Variants in ELN observed in about 807,000 individuals in gnomAD.
ELN encodes the protein elastin, also known as tropoelastin.
A neutral mutation model predicts 105.8 loss-of-function variants in ELN; 65 were observed. The ratio of observed to expected loss-of-function variants is 0.61; its 90% CI spans 0.50 to 0.75. The LOEUF (loss-of-function observed/expected upper bound fraction) is 0.75. Among genes scored for constraint, ELN ranks in the 30% least tolerant of loss-of-function variants. The pLI, the probability that ELN is intolerant of heterozygous loss-of-function variation, is 0.00. For missense variants in ELN, 882 were observed against 969.4 expected, an observed-to-expected ratio of 0.91 and a Z score of 1.20; for synonymous variants, 368 against 389.2, an observed-to-expected ratio of 0.95 and a Z score of 0.64.
rs1563805329 is a variant in ELN at position 74,048,149 on chromosome 7, G to T, written c.693G>T (p.Gly231=). 6.2e-7 allele frequency: 1 copy of T among 1,614,086 alleles called. No homozygotes were observed. The highest frequency in any genetic ancestry group is 8.5e-7 in the Non-Finnish European group (1 of 1,179,972). The change falls in exon 14 of 33, where the codon GGG becomes GGT. Residue 231 remains glycine, a synonymous_variant. Transcript: ENST00000252034. ...YTTGKLPYGY[G]PGGVAGAAGK... ...AGCCTCTCTGTTTTGCAGGCTATGG[G>T]CCCGGAGGAGTGGCTGGTGCAGCGG... is the stretch of plus-strand genomic sequence containing the variant.
rs1256027685 is a variant in ELN at position 74,068,831 on chromosome 7, C to T, written c.*131C>T. The T allele has an allele frequency of 1.4e-5, 16 of 1,182,762 alleles. No individual in the cohort carries two copies. The highest frequency in any genetic ancestry group is 1.9e-5 in the Non-Finnish European group (15 of 803,668). 73.3% of individuals were successfully genotyped at this position (1,182,762 alleles called of 1,614,324 possible). On this transcript the variant is annotated 3_prime_UTR_variant, in exon 33 of 33. Coordinates refer to ENST00000252034, the MANE Select transcript of ELN (RefSeq NM_000501.4). ...CCCAGGAGGGAACGGGCAGGCCGGGCGGCCTTGCAGATCCACAGGGCAAGG... is the reference window on the plus strand; with the variant it reads ...CCCAGGAGGGAACGGGCAGGCCGGGTGGCCTTGCAGATCCACAGGGCAAGG...
chr7:74,056,281 C>G lies in ELN; in HGVS notation c.1161C>G (p.Pro387=), dbSNP rs782659644. The change falls in exon 20 of 33, where the codon CCC becomes CCG. Residue 387 remains proline (P), a synonymous_variant. Coordinates refer to ENST00000252034, the MANE Select transcript of ELN (RefSeq NM_000501.4). The stretch of plus-strand genomic sequence containing the variant: ...CCCTTCCCTCTGCAGGGGCCAGGCC[C>G]GGAGTCGGAGTTGGAGGCATTCCTA... ...AAKAAKYGAR[P]GVGVGGIPTY... 1.9e-6 allele frequency: 3 copies of G among 1,614,134 alleles called. No homozygotes were observed. Among genetic ancestry groups the G allele is most frequent in the East Asian group, 2.2e-5 (1 of 44,874 alleles).
rs1554671298 is a variant in ELN, at chr7:74,045,209, T to C, written c.470-13T>C. 6.2e-7 allele frequency: 1 copy of C among 1,613,964 alleles called. No individual in the cohort carries two copies. Among genetic ancestry groups the C allele is most frequent in the Non-Finnish European group, 8.5e-7 (1 of 1,180,030 alleles). On this transcript the variant is annotated splice_polypyrimidine_tract_variant and intron_variant, in intron 9 of 32. Transcript: ENST00000252034. ...GCCTGCCTTCCTACACTCACTGCTT[T>C]GTCCCCCGGCAGGAGCTCGGTTCCC... is the stretch of plus-strand genomic sequence containing the variant.
At chr7:74,056,788 G>A (rs1348259902) in intron 21 of ELN, 75 bp downstream of exon 21, 19 of 1,601,404 alleles carry the variant, frequency 1.2e-5, no homozygotes, top group Non-Finnish European at 1.6e-5. Flanking sequence ...AGGGCAAACT[G>A]GCTCCCAGGC....
Position 74,069,037 on chromosome 7 carries a change from G to A in ELN, c.*337G>A. 1 of 432,206 alleles carries A rather than the reference G, an allele frequency of 2.3e-6. No individual in the cohort carries two copies. Among genetic ancestry groups the A allele is most frequent in the East Asian group, 4.0e-5 (1 of 25,064 alleles). 26.8% of individuals were successfully genotyped at this position (432,206 alleles called of 1,614,324 possible). ...GTGCTCTTATCTTCCTGGGGGGAGG[G>A]AGGAGGGAAGGGTGGCCCCTCGGGG... is the stretch of plus-strand genomic sequence containing the variant. On this transcript the variant is annotated 3_prime_UTR_variant, in exon 33 of 33. Transcript: ENST00000252034.
intron 22 of ELN, among the ~76,000 whole-genome samples, chr7:74,058,016 T>C (rs1490709943): frequency 2.0e-5 from 3 of 151,800 alleles, no homozygotes; most frequent in Non-Finnish European, 1.5e-5. Flanking sequence ...CCCCTTCTCC[T>C]TCTCTTTCTC....
At chr7:74,036,664 A>G (rs1790025115) in intron 3 of ELN, 80 bp downstream of exon 3, 1 of 1,592,142 alleles carries the variant, frequency 6.3e-7, no homozygotes, top group East Asian at 2.2e-5. Context: ...AGACCTGAGA[A>G]CCCTGGGAGA....
intron 12 of ELN, 97 bp from the exon 13 acceptor site, chr7:74,047,574 CTCAA>C: frequency 1.3e-6 from 2 of 1,540,554 alleles, no homozygotes; most frequent in Non-Finnish European, 1.8e-6. Context: ...TGTGGGAGGT[CTCAA>C]GCTTTAGCAC....
At chr7:74,060,756 C>T (rs1796473405) in intron 25 of ELN, among the ~76,000 whole-genome samples, 1 of 152,226 alleles carries the variant, frequency 6.6e-6, no homozygotes, top group Non-Finnish European at 1.5e-5. Flanking sequence ...GAGAAAAAGC[C>T]TGCCCTCCAA....
chr7:74,057,339 G>T (rs1554680752), intron 21 of ELN: 1 of 1,429,028 alleles, frequency 7.0e-7, no homozygotes, highest in East Asian at 2.5e-5. Flanking sequence ...CCCAAAAAGT[G>T]AGTACTGGGA....
In ELN at chr7:74,035,357, C is replaced by T. The variant is rs1554664846; in HGVS notation, c.83-7C>T. ...CTGGAGGACTGACTCTACCTGTTTC[C>T]TTTCAGGGGTCCCTGGGGCCATTCC... On this transcript the variant is annotated splice_region_variant and splice_polypyrimidine_tract_variant and intron_variant, in intron 1 of 32. Coordinates refer to ENST00000252034, the MANE Select transcript of ELN (RefSeq NM_000501.4). 6 of 1,614,034 alleles carry T rather than the reference C, an allele frequency of 3.7e-6. No individual in the cohort carries two copies. The highest frequency in any genetic ancestry group is 5.1e-6 in the Non-Finnish European group (6 of 1,179,968).
At chr7:74,056,227 C>G in intron 19 of ELN, 44 bp from the exon 20 acceptor site, 1 of 1,613,930 alleles carries the variant, frequency 6.2e-7, no homozygotes, top group Non-Finnish European at 8.5e-7. Context: ...CGCCCAGCCT[C>G]TCTCACTGAG....
rs1791471282 is a variant in ELN at position 74,042,556 on chromosome 7, C to T, written c.233-58C>T. On this transcript the variant is annotated intron_variant, in intron 5 of 32. Coordinates refer to ENST00000252034, the MANE Select transcript of ELN (RefSeq NM_000501.4). ...GGGGCACAGCCAGGCAGGGCCAGAG[C>T]GTAGGAGTCTTCATAGGTGTGGTAG... 6.6e-6 allele frequency: 10 copies of T among 1,517,754 alleles called. No homozygotes were observed. In the South Asian group the frequency reaches 6.8e-5, roughly 10 times the overall value. The allele number at this position is 1,517,754 out of a possible 1,614,324, so 94.0% of individuals were successfully genotyped here. A position where few individuals can be genotyped will look rare whatever the true frequency, so the allele number is the denominator to read the frequency against.
Position 74,061,090 on chromosome 7 carries a change from T to C in ELN, c.1748-11T>C. On this transcript the variant is annotated splice_polypyrimidine_tract_variant and intron_variant, in intron 25 of 32. Coordinates refer to ENST00000252034, the MANE Select transcript of ELN (RefSeq NM_000501.4). ...GCTCCTGACCACTCCCCAACTTTTC[T>C]TTCTCCCCAGTACCTGGAGCCCTGG... The C allele has an allele frequency of 6.2e-7, 1 of 1,614,100 alleles. No homozygotes were observed.
intron 19 of ELN, 148 bp downstream of exon 19, chr7:74,054,917 C>T: frequency 3.6e-6 from 3 of 835,686 alleles, no homozygotes; most frequent in East Asian, 5.3e-5. Context: ...ACAATGTCTC[C>T]CCCATTTGTC....
At chr7:74,068,291 G>A (rs55675961) in intron 32 of ELN, among the ~76,000 whole-genome samples, 1,552 of 152,294 alleles carry the variant, frequency 0.01, 13 homozygotes, top group Middle Eastern at 0.02. Context: ...GTCTCCTGCA[G>A]ACACTGACTC....
At chr7:74,064,306 T>G (rs1406956867) in intron 29 of ELN, among the ~76,000 whole-genome samples, 2 of 151,434 alleles carry the variant, frequency 1.3e-5, no homozygotes, top group Admixed American at 1.3e-4. Flanking sequence ...TCCCAGCTAC[T>G]CAGGAGGCTG....
intron 15 of ELN, among the ~76,000 whole-genome samples, chr7:74,050,255 A>G (rs1248679370): frequency 6.7e-6 from 1 of 149,004 alleles, no homozygotes; most frequent in African/African-American, 2.5e-5. Context: ...CCATCCACTC[A>G]TTCATCCATT....
chr7:74,043,709 G>A (rs1791793882), intron 8 of ELN, 170 bp from the exon 9 acceptor site: 6 of 798,372 alleles, frequency 7.5e-6, no homozygotes, highest in South Asian at 1.5e-5. Context: ...GATGACTTCC[G>A]AAACTCGTGG....
Sources: gnomAD v4.1 joint callset for allele counts (sites outside exome capture counted in the v4.1 genomes callset) on GRCh38, gnomAD v4.1.1 for gene constraint, MANE v1.5 for transcripts, NCBI Gene and HGNC (gene_info 2026-07-23, HGNC 2026-07-21) for gene names.